NSD3: variants seen among roughly 807,000 people sequenced by gnomAD.
NSD3 encodes nuclear receptor binding SET domain protein 3.
In NSD3, 24 loss-of-function variants were observed where a neutral mutation model predicts 160.8. That is an observed-to-expected ratio of 0.15 (90% CI 0.11 to 0.21). The LOEUF (loss-of-function observed/expected upper bound fraction) is 0.21, where lower values mean the gene tolerates loss of function less well. Ranked by LOEUF, NSD3 falls within the 10% of genes least tolerant of loss-of-function variation. NSD3 has a pLI of 1.00. For synonymous variants in NSD3, 520 were observed against 600.0 expected (o/e 0.87, Z 1.95); for missense variants, 1,157 against 1,735.9 (o/e 0.67, Z 5.93).
intron 14 of NSD3, among the ~76,000 whole-genome samples, chr8:38,304,071 A>C (rs1360645654): frequency 6.6e-6 from 1 of 152,228 alleles, no homozygotes; most frequent in Non-Finnish European, 1.5e-5. Flanking sequence ...CTCTGAACTA[A>C]CACCACCACA....
intron 1 of NSD3, among the ~76,000 whole-genome samples, chr8:38,362,531 T>C (rs1482901824): frequency 1.3e-5 from 2 of 152,156 alleles, no homozygotes; most frequent in African/African-American, 4.8e-5. Flanking sequence ...AATCTTTTCA[T>C]TGGAAAATTA....
In NSD3 at chr8:38,270,987, A is replaced by AT. The variant is rs1460234530; in HGVS notation, c.*4653dup. ...ATTTTGGGAGTGTAACGTAAGTGCA[A>AT]TTTTTTGTTTTGTTTTTTTCCCTAC... is the stretch of plus-strand genomic sequence containing the variant. On this transcript the variant is annotated 3_prime_UTR_variant, in exon 24 of 24. Coordinates refer to ENST00000317025, the MANE Select transcript of NSD3 (RefSeq NM_023034.2). The AT allele has an allele frequency of 6.6e-6, 1 of 152,212 alleles. No individual in the cohort carries two copies. Among genetic ancestry groups the AT allele is most frequent in the East Asian group, 1.9e-4 (1 of 5,198 alleles). The allele number at this position is 152,212 out of a possible 1,614,324, so 9.4% of individuals were successfully genotyped here. A position where few individuals can be genotyped will look rare whatever the true frequency, so the allele number is the denominator to read the frequency against.
chr8:38,317,872 A>C lies in NSD3; in HGVS notation c.1855+1023T>G. 6.3e-7 allele frequency: 1 copy of C among 1,587,792 alleles called. No individual in the cohort carries two copies. The highest frequency in any genetic ancestry group is 8.6e-7 in the Non-Finnish European group (1 of 1,167,550). On this transcript the variant is annotated intron_variant, in intron 9 of 23. Coordinates refer to ENST00000317025, the MANE Select transcript of NSD3 (RefSeq NM_023034.2). The surrounding 1 kb of genome is among the most constrained non-coding windows in gnomAD (Gnocchi z 5.3). The stretch of plus-strand genomic sequence containing the variant: ...GGCGAAATCAAAATCGAAAACAAAG[A>C]AACTGTTTATCAAGCCGCCGACAAA...
chr8:38,304,493 G>T, intron 14 of NSD3, 94 bp downstream of exon 14: 2 of 1,261,016 alleles, frequency 1.6e-6, no homozygotes, highest in Non-Finnish European at 2.2e-6. Flanking sequence ...TCTACTAGAT[G>T]GCCTGAGTTC....
chr8:38,347,731 C>G lies in NSD3; in HGVS notation c.441G>C (p.Lys147Asn). ...PSVPQTVIPK[K>N]TGSPEIKLKI... ...TTAGTTTAATTTCAGGTGAGCCAGT[C>G]TTCTTTGGAATCACAGTTTGTGGTA... The change falls in exon 2 of 24, where the codon AAG becomes AAC. Residue 147 changes from lysine to asparagine, a missense_variant. By Grantham distance (94) the Lys-to-Asn change is moderately conservative (BLOSUM62 0). Transcript: ENST00000317025. 3 of 1,612,304 alleles carry G rather than the reference C, an allele frequency of 1.9e-6. No homozygotes were observed. In the South Asian group the frequency reaches 3.3e-5, roughly 18 times the overall value.
chr8:38,327,759 A>G (rs1809951834), intron 6 of NSD3, among the ~76,000 whole-genome samples: 1 of 152,190 alleles, frequency 6.6e-6, no homozygotes, highest in African/African-American at 2.4e-5. Context: ...GAATACCCCT[A>G]GATACAGAAA....
intron 1 of NSD3, among the ~76,000 whole-genome samples, chr8:38,353,266 T>C (rs564065383): frequency 6.6e-6 from 1 of 152,324 alleles, no homozygotes; most frequent in Admixed American, 6.5e-5. Flanking sequence ...ACTGAAACAT[T>C]ACCTTAATTT....
intron 16 of NSD3, among the ~76,000 whole-genome samples, chr8:38,295,319 T>C (rs1381267370): frequency 6.6e-6 from 1 of 151,956 alleles, no homozygotes; most frequent in Non-Finnish European, 1.5e-5. Context: ...CCCAGCACTT[T>C]GGGAGGCTGA....
chr8:38,357,394 C>T (rs1415408250), intron 1 of NSD3, among the ~76,000 whole-genome samples: 1 of 152,136 alleles, frequency 6.6e-6, no homozygotes, highest in Non-Finnish European at 1.5e-5. Context: ...TAACCTACCT[C>T]TTCAACCTCA....
intron 12 of NSD3, among the ~76,000 whole-genome samples, chr8:38,310,215 T>C (rs537993441): frequency 4.0e-4 from 61 of 152,304 alleles, no homozygotes; most frequent in African/African-American, 1.4e-3. Flanking sequence ...CCTACAACCC[T>C]GGTGACTACT....
At position 38,288,755 on chromosome 8, in the gene NSD3, G is replaced by A. The variant is rs1563343356; in HGVS notation, c.3233C>T (p.Ala1078Val). The part of the protein sequence containing the change: ...RKPPPYKHIK[A>V]NKVIGKVQIQ... ...CTGCACCTTTCCTATTACTTTGTTA[G>A]CCTAGAAAACAAAATCGCAAGCGAG... is the stretch of plus-strand genomic sequence containing the variant. The change falls in exon 19 of 24, where the codon GCT (alanine) becomes GTT (valine). Residue 1078 changes from alanine to valine, a missense_variant and splice_region_variant. By Grantham distance (64) the Ala-to-Val change is moderately conservative. Transcript: ENST00000317025. The surrounding 1 kb of genome is among the most constrained non-coding windows in gnomAD (Gnocchi z 4.5). The A allele has an allele frequency of 1.2e-6, 2 of 1,610,410 alleles. No homozygotes were observed. The highest frequency in any genetic ancestry group is 1.7e-6 in the Non-Finnish European group (2 of 1,176,836).
rs772579393 is a variant in NSD3, at chr8:38,288,612, G to T, written c.3376C>A (p.Gln1126Lys). ...CAACGATCTCCAGCTGGGCACACCT[G>T]CGGGTGGCATTCATACTGCAACATT... Reference protein sequence around the residue: ...NRMLQYECHPQVCPAGDRCQN... With the variant: ...NRMLQYECHPKVCPAGDRCQN... The change falls in exon 19 of 24, where the codon CAG becomes AAG. Residue 1126 changes from glutamine to lysine, a missense_variant. Physicochemically the swap from Gln to Lys is moderately conservative, Grantham distance 53. This residue lies in a region of NSD3 where 222 missense variants were observed against 409.9 expected (regional missense o/e 0.54). Coordinates refer to ENST00000317025, the MANE Select transcript of NSD3 (RefSeq NM_023034.2). This position sits in a 1 kb window ranked among gnomAD's most constrained non-coding sequence, Gnocchi z 4.5. The T allele has an allele frequency of 3.7e-6, 6 of 1,614,050 alleles. No homozygotes were observed. Among genetic ancestry groups the T allele is most frequent in the Admixed American group, 1.7e-5 (1 of 60,002 alleles).
intron 1 of NSD3, among the ~76,000 whole-genome samples, chr8:38,368,201 C>G (rs1333929675): frequency 6.6e-6 from 1 of 152,308 alleles, no homozygotes; most frequent in East Asian, 1.9e-4. Flanking sequence ...CTCAGGTGAT[C>G]CACTCGCCTT....
rs776443048 is a variant in NSD3 at position 38,278,294 on chromosome 8, T to A, written c.3867+12A>T. On this transcript the variant is annotated intron_variant, in intron 22 of 23. Coordinates refer to ENST00000317025, the MANE Select transcript of NSD3 (RefSeq NM_023034.2). ...CGCCTGTTGACTGGGGGCGCTCCCC[T>A]GCAAGACTGACCTTTGGCCGCACTC... 6.2e-7 allele frequency: 1 copy of A among 1,613,136 alleles called. No homozygotes were observed. Among genetic ancestry groups the A allele is most frequent in the Admixed American group, 1.7e-5 (1 of 59,920 alleles).
chr8:38,364,621 C>T (rs1310808637), intron 1 of NSD3, among the ~76,000 whole-genome samples: 1 of 152,180 alleles, frequency 6.6e-6, no homozygotes, highest in Non-Finnish European at 1.5e-5. Context: ...GGTCCTTTTA[C>T]TACTAAAACA....
At chr8:38,278,173 C>G in intron 22 of NSD3, 133 bp downstream of exon 22, 1 of 594,466 alleles carries the variant, frequency 1.7e-6, no homozygotes, top group Non-Finnish European at 2.8e-6. Context: ...CTCCTGACCT[C>G]GTGATCTGCC....
chr8:38,329,355 A>C lies in NSD3; in HGVS notation c.1581+23T>G, dbSNP rs199865978. 6.6e-4 allele frequency: 1,057 copies of C among 1,595,094 alleles called. No individual in the cohort carries two copies. Among genetic ancestry groups the C allele is most frequent in the Admixed American group, 1.1e-3 (64 of 57,650 alleles). On this transcript the variant is annotated intron_variant, in intron 6 of 23. Transcript: ENST00000317025. This position sits in a 1 kb window ranked among gnomAD's most constrained non-coding sequence, Gnocchi z 4.8. The stretch of plus-strand genomic sequence containing the variant: ...ACTTTTAAAATACCATCCCCCAAAA[A>C]ACTCCACGAAAAAAGGAGGTACCTT...
Position 38,299,482 on chromosome 8 carries a change from A to G in NSD3, c.2720T>C (p.Ile907Thr), listed in dbSNP as rs1319951998. 6.2e-7 allele frequency: 1 copy of G among 1,613,766 alleles called. No homozygotes were observed. Among genetic ancestry groups the G allele is most frequent in the African/African-American group, 1.3e-5 (1 of 75,058 alleles). Residue 907 changes from isoleucine (I) to threonine (T), a missense_variant, in exon 15 of 24, where the codon ATT (isoleucine) becomes ACT (threonine). By Grantham distance (89) the Ile-to-Thr change is moderately conservative. This residue lies in a region of NSD3 where 437 missense variants were observed against 576.6 expected (regional missense o/e 0.76). Transcript: ENST00000317025. ...NRAELMKLPMIPSSSASKKKC... is the reference protein window; with the variant it reads ...NRAELMKLPMTPSSSASKKKC... Reference sequence around the variant, plus strand: ...CTTTTTGGAAGCTGACGAAGAAGGAATCATAGGTAATTTCATCAACTCAGC... The same window carrying G: ...CTTTTTGGAAGCTGACGAAGAAGGAGTCATAGGTAATTTCATCAACTCAGC...
intron 2 of NSD3, among the ~76,000 whole-genome samples, chr8:38,339,190 A>G (rs768358618): frequency 1.2e-4 from 18 of 152,022 alleles, no homozygotes; most frequent in Non-Finnish European, 2.1e-4. Context: ...TAAACTGGTA[A>G]TTTTCTTTTT....
Sources: gnomAD v4.1 joint callset for allele counts (sites outside exome capture counted in the v4.1 genomes callset) on GRCh38, gnomAD v4.1.1 for gene constraint, gnomAD v4.1.1 regional missense constraint, Gnocchi (gnomAD v3.1) non-coding constraint, MANE v1.5 for transcripts, NCBI Gene and HGNC (gene_info 2026-07-23, HGNC 2026-07-21) for gene names.